TCTN2: variants seen among roughly 807,000 people sequenced by gnomAD.
The protein encoded by TCTN2 is tectonic-2.
In TCTN2, 66 loss-of-function variants were observed where a neutral mutation model predicts 83.4. That is an observed-to-expected ratio of 0.79 (90% CI 0.65 to 0.97). The LOEUF (loss-of-function observed/expected upper bound fraction) is 0.97. TCTN2 is among the 50% of genes least tolerant of loss of function. The probability of loss-of-function intolerance (pLI) is 0.00; values close to 1 mark genes in which losing one functional copy is unlikely to be tolerated. For synonymous variants in TCTN2, 301 were observed against 326.7 expected, an observed-to-expected ratio of 0.92 and a Z score of 0.85; for missense variants, 794 against 858.1, an observed-to-expected ratio of 0.93 and a Z score of 0.93.
At position 123,687,261 on chromosome 12, in the gene TCTN2, G is replaced by A. The variant is rs183902209; in HGVS notation, c.764+226G>A. On this transcript the variant is annotated intron_variant, in intron 6 of 17. Coordinates refer to ENST00000303372, the MANE Select transcript of TCTN2 (RefSeq NM_024809.5). ...TGATTGACATTGAAAACAGCTCATG[G>A]TGCTTTTCTAGGGGAGGTGAAGGAG... 3.0e-3 allele frequency among the ~76,000 whole-genome samples: 452 copies of A among 152,318 alleles called. 12 individuals are homozygous for A. The highest frequency in any genetic ancestry group is 7.1e-4 in the Non-Finnish European group (48 of 68,026).
chr12:123,690,271 A>T (rs1324115610), intron 7 of TCTN2, among the ~76,000 whole-genome samples: 1 of 152,210 alleles, frequency 6.6e-6, no homozygotes, highest in Non-Finnish European at 1.5e-5. Flanking sequence ...CTGCAAACTA[A>T]ATAGAACAGG....
rs888213093 is a variant in TCTN2 at position 123,697,109 on chromosome 12, A to T, written c.1416A>T (p.Ser472=). The change falls in exon 13 of 18, where the codon TCA becomes TCT. Residue 472 remains serine, a synonymous_variant. Transcript: ENST00000303372. ...TAGCTGGAAGGGGTCTGTGTACATC[A>T]GCAACTTTCAAACCCATTTTATTTG... ...WQSAGRGLCT[S]ATFKPILFGE... The T allele has an allele frequency of 3.1e-6, 5 of 1,613,882 alleles. No individual in the cohort carries two copies. The African/African-American group carries it at 5.3e-5, about 17-fold the overall frequency.
chr12:123,679,862 C>G (rs1242025595), intron 5 of TCTN2, among the ~76,000 whole-genome samples: 1 of 150,610 alleles, frequency 6.6e-6, no homozygotes, highest in East Asian at 2.0e-4. Flanking sequence ...GCCTCAGCCT[C>G]CTGAGTAGCT....
Position 123,695,381 on chromosome 12 carries a change from T to A in TCTN2, c.1312+84T>A, listed in dbSNP as rs73418167. 0.025 allele frequency: 23,246 copies of A among 917,090 alleles called. 565 individuals are homozygous for A. The highest frequency in any genetic ancestry group is 0.09 in the African/African-American group (5,498 of 61,314). 56.8% of individuals were successfully genotyped at this position (917,090 alleles called of 1,614,324 possible). A position where few individuals can be genotyped will look rare whatever the true frequency, so the allele number is the denominator to read the frequency against. Reference sequence around the variant, plus strand: ...AGCCATCAGGATGGTTATAAGTAACTCTCTCCAATTTAGTTTCTGACTCTG... The same window carrying A: ...AGCCATCAGGATGGTTATAAGTAACACTCTCCAATTTAGTTTCTGACTCTG... On this transcript the variant is annotated intron_variant, in intron 11 of 17. Transcript: ENST00000303372.
chr12:123,694,719 TG>T, intron 9 of TCTN2, 122 bp from the exon 10 acceptor site: 1 of 1,011,038 alleles, frequency 9.9e-7, no homozygotes, highest in Non-Finnish European at 1.5e-6. Flanking sequence ...GTTAGGGAGC[TG>T]GAGATAGGGA....
chr12:123,679,337 C>T (rs1180415294), intron 5 of TCTN2, 48 bp downstream of exon 5: 6 of 1,491,598 alleles, frequency 4.0e-6, no homozygotes, highest in Non-Finnish European at 5.6e-6. Flanking sequence ...CCTGTGAGAA[C>T]ACCAGCAGTT....
intron 5 of TCTN2, among the ~76,000 whole-genome samples, chr12:123,685,473 C>T (rs1036925909): frequency 6.6e-6 from 1 of 152,140 alleles, no homozygotes; most frequent in Non-Finnish European, 1.5e-5. Context: ...GGCTGGAGTG[C>T]AGTGGTGTGA....
At chr12:123,672,742 C>T (rs1955771515) in intron 3 of TCTN2, among the ~76,000 whole-genome samples, 3 of 151,552 alleles carry the variant, frequency 2.0e-5, no homozygotes, top group African/African-American at 7.3e-5. Flanking sequence ...GAGCAAGACC[C>T]TGTCTCTTAA....
intron 4 of TCTN2, among the ~76,000 whole-genome samples, chr12:123,676,344 G>A (rs1955820684): frequency 6.6e-6 from 1 of 152,070 alleles, no homozygotes; most frequent in Admixed American, 6.5e-5. Flanking sequence ...TGAGGTGGGC[G>A]GATCACGAGG....
Position 123,696,479 on chromosome 12 carries a change from A to C in TCTN2, c.1377A>C (p.Leu459Phe), listed in dbSNP as rs1324909801. ...NINRMNNVTT[L>F]HLWQSAGRGL... ...ACAGGATGAATAATGTCACGACTTT[A>C]CATCTTTGGCAATCGGGTAATCCGG... The change falls in exon 12 of 18, where the codon TTA becomes TTC. Residue 459 changes from leucine (L) to phenylalanine (F), a missense_variant. Physicochemically the swap from Leu to Phe is conservative, Grantham distance 22. Transcript: ENST00000303372. 6.2e-7 allele frequency: 1 copy of C among 1,613,988 alleles called. No homozygotes were observed. Among genetic ancestry groups the C allele is most frequent in the Admixed American group, 1.7e-5 (1 of 59,992 alleles).
chr12:123,699,053 G>A (rs775710054), intron 13 of TCTN2, among the ~76,000 whole-genome samples: 7 of 152,092 alleles, frequency 4.6e-5, no homozygotes, highest in Non-Finnish European at 8.8e-5. Context: ...TCTGGCCCAC[G>A]AATGTATCCT....
At chr12:123,679,483 T>G (rs947881040) in intron 5 of TCTN2, among the ~76,000 whole-genome samples, 194 bp downstream of exon 5, 1 of 152,086 alleles carries the variant, frequency 6.6e-6, no homozygotes, top group Non-Finnish European at 1.5e-5. Flanking sequence ...TACCTCAGCC[T>G]CCTGAGTAGC....
chr12:123,674,728 A>G (rs763197472), intron 4 of TCTN2, among the ~76,000 whole-genome samples: 7 of 152,304 alleles, frequency 4.6e-5, no homozygotes, highest in Non-Finnish European at 8.8e-5. Flanking sequence ...TACTGTCTCT[A>G]TAAAAAATTT....
rs531172321 is a variant in TCTN2, at chr12:123,679,795, A to C, written c.564+506A>C. Among the ~76,000 whole-genome samples, 557 of 128,530 alleles carry C rather than the reference A, an allele frequency of 4.3e-3. 2 individuals are homozygous for C. Among genetic ancestry groups the C allele is most frequent in the South Asian group, 7.2e-3 (28 of 3,866 alleles). 84.3% of individuals were successfully genotyped at this position (128,530 alleles called of 152,430 possible). On this transcript the variant is annotated intron_variant, in intron 5 of 17. Transcript: ENST00000303372. ...CGCTCTGTCGCCCAGCCTGGAGTGC[A>C]GTGGCGTGATCTTGGCTCACTGCAA...
chr12:123,673,734 T>C lies in TCTN2; in HGVS notation c.387T>C (p.His129=). Residue 129 remains histidine, a synonymous_variant, in exon 4 of 18, where the codon CAT becomes CAC. Transcript: ENST00000303372. ...AGACCCTTCTGGTTTCAGCATCTCA[T>C]AATTCATCCTGTTCAGCACATCTAC... ...ILQTLLVSAS[H]NSSCSAHLLI... 1 of 1,614,222 alleles carries C rather than the reference T, an allele frequency of 6.2e-7. No homozygotes were observed. Among genetic ancestry groups the C allele is most frequent in the Non-Finnish European group, 8.5e-7 (1 of 1,180,044 alleles).
At position 123,673,792 on chromosome 12, in the gene TCTN2, C is replaced by T; in HGVS notation, c.445C>T (p.Leu149=). Residue 149 remains leucine (L), a synonymous_variant, in exon 4 of 18, where the codon CTG becomes TTG. Transcript: ENST00000303372. The part of the protein sequence containing the change: ...IQVEIYANSS[L]THNASENVTV... ...AGTGGAAATTTATGCCAACTCTTCT[C>T]TGACCCATAATGCCTCAGGCAAGTG... 1 of 1,614,206 alleles carries T rather than the reference C, an allele frequency of 6.2e-7. No individual in the cohort carries two copies. Among genetic ancestry groups the T allele is most frequent in the East Asian group, 2.2e-5 (1 of 44,886 alleles).
chr12:123,708,206 T>A lies in TCTN2; in HGVS notation c.*493T>A, dbSNP rs569489612. The A allele has an allele frequency of 2.9e-3, 521 of 181,298 alleles. 1 individual carries two copies. The highest frequency in any genetic ancestry group is 5.0e-3 in the Non-Finnish European group (432 of 86,252). 11.2% of individuals were successfully genotyped at this position (181,298 alleles called of 1,614,324 possible). A position where few individuals can be genotyped will look rare whatever the true frequency, so the allele number is the denominator to read the frequency against. On this transcript the variant is annotated 3_prime_UTR_variant, in exon 18 of 18. Coordinates refer to ENST00000303372, the MANE Select transcript of TCTN2 (RefSeq NM_024809.5). Reference sequence around the variant, plus strand: ...CGGGGTTTCGCCTTGTTGCCCAGGGTGGTCTGTAACTCCTGAGCTCAGATG... The same window carrying A: ...CGGGGTTTCGCCTTGTTGCCCAGGGAGGTCTGTAACTCCTGAGCTCAGATG...
rs564952549 is a variant in TCTN2 at position 123,679,162 on chromosome 12, A to T, written c.464-27A>T. On this transcript the variant is annotated intron_variant, in intron 4 of 17. Transcript: ENST00000303372. ...GCTTTGTCGGAATGTTTCTTAGCTG[A>T]ATTTTTCTGTTGTGTGTACTTTTCA... is the stretch of plus-strand genomic sequence containing the variant. 3 of 1,576,062 alleles carry T rather than the reference A, an allele frequency of 1.9e-6. No individual in the cohort carries two copies. The South Asian group carries it at 3.3e-5, about 17-fold the overall frequency.
rs764631794 is a variant in TCTN2 at position 123,690,693 on chromosome 12, A to C, written c.1033+19A>C. On this transcript the variant is annotated intron_variant, in intron 8 of 17. Transcript: ENST00000303372. ...TTAGGAGGTATGTTACATTTCTTTG[A>C]AAAAAGAACACAGGCCCAAACATGA... 8 of 1,613,402 alleles carry C rather than the reference A, an allele frequency of 5.0e-6. No individual in the cohort carries two copies. Among genetic ancestry groups the C allele is most frequent in the Non-Finnish European group, 6.8e-6 (8 of 1,179,756 alleles).
Sources: allele counts gnomAD v4.1 joint callset (sites outside exome capture counted in the v4.1 genomes callset), GRCh38; gene constraint gnomAD v4.1.1; transcripts MANE v1.5; gene names NCBI Gene and HGNC (gene_info 2026-07-23, HGNC 2026-07-21).